The following MTUS1 variants were observed in gnomAD, a reference collection of about 807,000 sequenced individuals.
MTUS1 encodes microtubule-associated tumor suppressor 1.
MTUS1 carries 109 observed loss-of-function variants against 120.8 expected under a neutral mutation model. That is an observed-to-expected ratio of 0.90 (90% CI 0.77 to 1.06). MTUS1 has a LOEUF of 1.06. Among genes scored for constraint, MTUS1 ranks in the 50% least tolerant of loss-of-function variants. MTUS1 has a pLI of 0.00. For synonymous variants in MTUS1, 737 were observed against 550.5 expected (o/e 1.34, Z -4.74); for missense variants, 2,210 against 1,486.3 (o/e 1.49, Z -8.01).
chr8:17,704,953 T>C (rs766866464), intron 6 of MTUS1, among the ~76,000 whole-genome samples: 14 of 152,274 alleles, frequency 9.2e-5, no homozygotes, highest in South Asian at 6.2e-4. Flanking sequence ...AGTTTGTTCT[T>C]TGCTTATAAA....
At chr8:17,748,852 T>A (rs760261084) in intron 2 of MTUS1, among the ~76,000 whole-genome samples, 8 of 152,246 alleles carry the variant, frequency 5.3e-5, no homozygotes, top group African/African-American at 1.9e-4. Flanking sequence ...ATCCTAACAA[T>A]CATCACCATA....
chr8:17,720,159 A>G (rs2045718195), intron 4 of MTUS1, among the ~76,000 whole-genome samples: 1 of 152,178 alleles, frequency 6.6e-6, no homozygotes, highest in Non-Finnish European at 1.5e-5. Flanking sequence ...ATCCTGGCCA[A>G]CATGGTGAAA....
chr8:17,719,719 A>G (rs1160793528), intron 4 of MTUS1, among the ~76,000 whole-genome samples: 1 of 152,114 alleles, frequency 6.6e-6, no homozygotes, highest in Non-Finnish European at 1.5e-5. Flanking sequence ...CTTATCCACT[A>G]ACCAGTGTTG....
At position 17,644,502 on chromosome 8, in the gene MTUS1, G is replaced by A. The variant is rs1452661762; in HGVS notation, c.*1424C>T. On this transcript the variant is annotated 3_prime_UTR_variant, in exon 15 of 15. Transcript: ENST00000693296. ...TTCCAAAGTCTCAGGATTAGGGGAGGTAATAAGTTTTGGAAAGAAACTGAA... is the reference window on the plus strand; with the variant it reads ...TTCCAAAGTCTCAGGATTAGGGGAGATAATAAGTTTTGGAAAGAAACTGAA... The A allele has an allele frequency of 6.6e-6, 1 of 152,574 alleles. No homozygotes were observed. Among genetic ancestry groups the A allele is most frequent in the Non-Finnish European group, 1.5e-5 (1 of 68,038 alleles). 9.5% of individuals were successfully genotyped at this position (152,574 alleles called of 1,614,324 possible). A position where few individuals can be genotyped will look rare whatever the true frequency, so the allele number is the denominator to read the frequency against.
At chr8:17,801,132 G>C (rs1267732117), upstream of MTUS1, among the ~76,000 whole-genome samples, 1 of 151,664 alleles carries the variant, frequency 6.6e-6, no homozygotes, top group African/African-American at 2.4e-5. Flanking sequence ...TGCACCACTG[G>C]CGGGGTCGCC....
chr8:17,673,187 CAAGTT>C (rs1375652278), intron 8 of MTUS1, among the ~76,000 whole-genome samples: 1 of 152,224 alleles, frequency 6.6e-6, no homozygotes, highest in Non-Finnish European at 1.5e-5. Flanking sequence ...GGGCTGCTGT[CAAGTT>C]AAGTAACATG....
At chr8:17,726,859 T>A (rs1207339556) in intron 3 of MTUS1, among the ~76,000 whole-genome samples, 1 of 152,206 alleles carries the variant, frequency 6.6e-6, no homozygotes. Flanking sequence ...TCAAAATGAC[T>A]GGGCCACAGC....
intron 1 of MTUS1, among the ~76,000 whole-genome samples, chr8:17,765,683 C>CACACACAA (rs1327238124): frequency 8.0e-6 from 1 of 125,780 alleles, no homozygotes; most frequent in African/African-American, 3.2e-5. Flanking sequence ...AGACACCACA[C>CACACACAA]ACACACACAC....
intron 3 of MTUS1, among the ~76,000 whole-genome samples, chr8:17,727,601 G>A (rs149621586): frequency 6.6e-6 from 1 of 152,226 alleles, no homozygotes; most frequent in Admixed American, 6.5e-5. Context: ...TTAATTGAGA[G>A]ACTGCAAGTA....
chr8:17,741,116 T>G (rs903054683), intron 3 of MTUS1, among the ~76,000 whole-genome samples: 1 of 152,038 alleles, frequency 6.6e-6, no homozygotes, highest in Non-Finnish European at 1.5e-5. Flanking sequence ...TGACCTCAGG[T>G]GATCCACCTG....
At chr8:17,722,265 G>C in intron 4 of MTUS1, 1 of 991,154 alleles carries the variant, frequency 1.0e-6, no homozygotes, top group South Asian at 4.7e-5. Context: ...GAAAACACGG[G>C]GCTGTGGCAC....
intron 6 of MTUS1, among the ~76,000 whole-genome samples, chr8:17,694,512 A>C (rs774385738): frequency 2.1e-4 from 32 of 152,024 alleles, no homozygotes; most frequent in Admixed American, 5.2e-4. Flanking sequence ...TTAAAAATAC[A>C]AAGAAATTAG....
chr8:17,674,503 T>G (rs1812666140), intron 8 of MTUS1: 1 of 985,056 alleles, frequency 1.0e-6, no homozygotes, highest in African/African-American at 1.7e-5. Flanking sequence ...CCCTAAGGGC[T>G]TCCAGGAGAG....
chr8:17,693,688 G>A (rs1254966843), intron 6 of MTUS1, among the ~76,000 whole-genome samples: 1 of 152,116 alleles, frequency 6.6e-6, no homozygotes, highest in Non-Finnish European at 1.5e-5. Flanking sequence ...TCTACTGGAG[G>A]ACCTGGATTA....
In MTUS1 at chr8:17,655,969, G is replaced by C. The variant is rs1418849379; in HGVS notation, c.3002C>G (p.Thr1001Arg). The C allele has an allele frequency of 6.2e-6, 10 of 1,614,060 alleles. No homozygotes were observed. The highest frequency in any genetic ancestry group is 8.5e-6 in the Non-Finnish European group (10 of 1,180,040). Residue 1001 changes from threonine (T) to arginine (R), a missense_variant, in exon 9 of 15, where the codon ACA becomes AGA. Physicochemically the swap from Thr to Arg is moderately conservative, Grantham distance 71. Coordinates refer to ENST00000693296, the MANE Select transcript of MTUS1 (RefSeq NM_001363059.2). ...CTCTTTAAGCCGATTCTCTCGTTCT[G>C]TTTTTTCAGCCTGGTGCTGCTGGAC... Reference protein sequence around the residue: ...AFVQQHQAEKTERENRLKEFY... With the variant: ...AFVQQHQAEKRERENRLKEFY...
chr8:17,726,589 T>C (rs1221944922), intron 3 of MTUS1, among the ~76,000 whole-genome samples: 5 of 152,230 alleles, frequency 3.3e-5, no homozygotes, highest in African/African-American at 1.2e-4. Flanking sequence ...AAGCATTCAG[T>C]GCTTAACCCA....
chr8:17,771,692 A>G (rs1429378846), intron 1 of MTUS1, among the ~76,000 whole-genome samples: 1 of 152,240 alleles, frequency 6.6e-6, no homozygotes, highest in African/African-American at 2.4e-5. Flanking sequence ...CCTATGATAG[A>G]TTCTCTTGAA....
chr8:17,761,211 T>C (rs1247051435), intron 1 of MTUS1, among the ~76,000 whole-genome samples: 1 of 152,204 alleles, frequency 6.6e-6, no homozygotes, highest in East Asian at 1.9e-4. Context: ...CTTTGAGGTA[T>C]AATTCCAATG....
chr8:17,706,477 A>G (rs1330128612), intron 6 of MTUS1, among the ~76,000 whole-genome samples: 3 of 152,264 alleles, frequency 2.0e-5, no homozygotes, highest in Non-Finnish European at 4.4e-5. Context: ...AGGTCAAGCT[A>G]AAACAATGAT....
Sources: allele counts gnomAD v4.1 joint callset (sites outside exome capture counted in the v4.1 genomes callset), GRCh38; gene constraint gnomAD v4.1.1; transcripts MANE v1.5; gene names NCBI Gene and HGNC (gene_info 2026-07-23, HGNC 2026-07-21).